Variants in RAB11FIP1 observed in about 807,000 individuals in gnomAD.
RAB11FIP1 encodes the protein rab11 family-interacting protein 1.
Under a neutral mutation model 83.1 loss-of-function variants are expected in RAB11FIP1, and 49 were observed. The ratio of observed to expected loss-of-function variants is 0.59; its 90% CI spans 0.47 to 0.75. The LOEUF is 0.75. RAB11FIP1 is among the 30% of genes least tolerant of loss of function. The pLI is 0.00. For synonymous variants in RAB11FIP1, 670 were observed against 656.0 expected (o/e 1.02, Z -0.33); for missense variants, 1,536 against 1,598.7 (o/e 0.96, Z 0.67).
chr8:37,865,018 C>T (rs1806315122), intron 5 of RAB11FIP1, among the ~76,000 whole-genome samples: 1 of 151,544 alleles, frequency 6.6e-6, no homozygotes, highest in Admixed American at 6.6e-5. Context: ...ATCCTCCCAC[C>T]TTGGCCTCCC....
intron 1 of RAB11FIP1, among the ~76,000 whole-genome samples, chr8:37,881,665 G>C (rs1334832074): frequency 1.3e-5 from 2 of 152,156 alleles, no homozygotes; most frequent in East Asian, 1.9e-4. Flanking sequence ...GGCAGGCGGG[G>C]AGTGGTGGGT....
chr8:37,879,232 C>G (rs553531962), intron 1 of RAB11FIP1, among the ~76,000 whole-genome samples: 4 of 151,912 alleles, frequency 2.6e-5, no homozygotes, highest in African/African-American at 9.7e-5. Context: ...TGCTTGAACC[C>G]GGGAGGCGGA....
Position 37,875,308 on chromosome 8 carries a change from T to C in RAB11FIP1, c.829A>G (p.Arg277Gly). ...SSASDVMSHK[R>G]TASTDLKQLN... is the part of the protein sequence containing the mutation. ...TGCTTAAGATCCGTACTCGCTGTTC[T>C]CTTGTGAGACATGACTTTGGGAAGA... The change falls in exon 3 of 6, where the codon AGA becomes GGA. Residue 277 changes from arginine to glycine, a missense_variant. By Grantham distance (125) the Arg-to-Gly change is moderately radical. Transcript: ENST00000330843. 1.2e-6 allele frequency: 2 copies of C among 1,609,782 alleles called. No homozygotes were observed. The highest frequency in any genetic ancestry group is 1.1e-5 in the South Asian group (1 of 91,008).
chr8:37,892,904 C>G (rs190520794), intron 1 of RAB11FIP1, among the ~76,000 whole-genome samples: 193 of 152,242 alleles, frequency 1.3e-3, no homozygotes, highest in African/African-American at 4.4e-3. Flanking sequence ...CCTTCCTCCA[C>G]TCCTCACTAG....
rs143143514 is a variant in RAB11FIP1 at position 37,887,120 on chromosome 8, C to T, written c.372-9569G>A. 6.2e-3 allele frequency among the ~76,000 whole-genome samples: 940 copies of T among 152,252 alleles called. 14 individuals carry two copies. The highest frequency in any genetic ancestry group is 0.021 in the African/African-American group (867 of 41,540). ...CCATTGTCAGCTACTTGGAAAAATT[C>T]GTAAATCATGAGAGTGGCAAATAGG... On this transcript the variant is annotated intron_variant, in intron 1 of 5. Coordinates refer to ENST00000330843, the MANE Select transcript of RAB11FIP1 (RefSeq NM_001002814.3).
chr8:37,892,260 C>G (rs764966059), intron 1 of RAB11FIP1, among the ~76,000 whole-genome samples: 77 of 152,162 alleles, frequency 5.1e-4, no homozygotes, highest in Non-Finnish European at 9.1e-4. Context: ...GCTTGGACAT[C>G]ATTCTAGTCC....
At chr8:37,879,164 C>T (rs967197027) in intron 1 of RAB11FIP1, among the ~76,000 whole-genome samples, 14 of 151,866 alleles carry the variant, frequency 9.2e-5, no homozygotes, top group Admixed American at 2.0e-4. Context: ...AAAAATTAGC[C>T]GGGCATCATG....
At chr8:37,871,254 T>C (rs375477093) in intron 4 of RAB11FIP1, 24 bp downstream of exon 4, 21 of 1,577,016 alleles carry the variant, frequency 1.3e-5, no homozygotes, top group East Asian at 4.5e-5. Context: ...CACATTTACA[T>C]AGACAATCTC....
At chr8:37,891,001 T>C (rs1806937895) in intron 1 of RAB11FIP1, among the ~76,000 whole-genome samples, 1 of 152,098 alleles carries the variant, frequency 6.6e-6, no homozygotes. Flanking sequence ...GATGCATTTA[T>C]TGAGCCCCTA....
In RAB11FIP1 at chr8:37,874,791, C is replaced by T. The variant is rs767418217; in HGVS notation, c.1346G>A (p.Gly449Asp). Residue 449 changes from glycine to aspartate, a missense_variant, in exon 3 of 6, where the codon GGC becomes GAC. Coordinates refer to ENST00000330843, the MANE Select transcript of RAB11FIP1 (RefSeq NM_001002814.3). ...CGTGAGAGGGTTTTCACCTTCACTG[C>T]CCTTAGCCACATCCTTCTTCCCCGT... is the stretch of plus-strand genomic sequence containing the variant. Reference protein sequence around the residue: ...LMTGKKDVAKGSEGENPLTVP... With the variant: ...LMTGKKDVAKDSEGENPLTVP... 6.2e-7 allele frequency: 1 copy of T among 1,614,070 alleles called. No individual in the cohort carries two copies. The highest frequency in any genetic ancestry group is 1.7e-5 in the Admixed American group (1 of 60,006).
intron 1 of RAB11FIP1, among the ~76,000 whole-genome samples, chr8:37,890,993 T>TG (rs1158802901): frequency 6.6e-6 from 1 of 152,104 alleles, no homozygotes; most frequent in Non-Finnish European, 1.5e-5. Context: ...CCCTCACAGA[T>TG]GCATTTATTG....
chr8:37,865,931 T>A (rs758687265), intron 5 of RAB11FIP1, among the ~76,000 whole-genome samples: 19 of 152,200 alleles, frequency 1.2e-4, no homozygotes, highest in Non-Finnish European at 2.6e-4. Context: ...CTTAAGGTAC[T>A]TCATACGAAC....
At chr8:37,870,370 G>T (rs368806557) in intron 5 of RAB11FIP1, 50 bp downstream of exon 5, 6 of 1,069,654 alleles carry the variant, frequency 5.6e-6, no homozygotes, top group African/African-American at 1.6e-5. Context: ...CTATGGAAAC[G>T]GGTGTTCTGT....
chr8:37,863,254 CTT>C, intron 5 of RAB11FIP1, 141 bp from the exon 6 acceptor site: 4 of 647,742 alleles, frequency 6.2e-6, no homozygotes, highest in Non-Finnish European at 1.0e-5. Context: ...TTCTTTCTTT[CTT>C]TCTTTTTGAG....
chr8:37,893,968 T>A (rs1807008509), intron 1 of RAB11FIP1, among the ~76,000 whole-genome samples: 1 of 152,180 alleles, frequency 6.6e-6, no homozygotes, highest in Admixed American at 6.5e-5. Flanking sequence ...TTTTAGTCAT[T>A]TCATTCCTCT....
chr8:37,872,392 T>C lies in RAB11FIP1; in HGVS notation c.2410A>G (p.Lys804Glu). Residue 804 changes from lysine to glutamate, a missense_variant, in exon 4 of 6, where the codon AAA becomes GAA. Transcript: ENST00000330843. ...MGLNLRKDQK[K>E]TKKRVSFSEQ... ...GAAAATGACACACGCTTCTTGGTTTTCTTCTGGTCCTTGCGGAGGTTCAGA... is the reference window on the plus strand; with the variant it reads ...GAAAATGACACACGCTTCTTGGTTTCCTTCTGGTCCTTGCGGAGGTTCAGA... The C allele has an allele frequency of 6.2e-7, 1 of 1,614,238 alleles. No individual in the cohort carries two copies. The highest frequency in any genetic ancestry group is 8.5e-7 in the Non-Finnish European group (1 of 1,180,042).
chr8:37,886,069 C>T (rs1806828083), intron 1 of RAB11FIP1, among the ~76,000 whole-genome samples: 1 of 152,162 alleles, frequency 6.6e-6, no homozygotes, highest in Non-Finnish European at 1.5e-5. Flanking sequence ...CCCTTTAGAA[C>T]ATTCCAGAGA....
At position 37,872,210 on chromosome 8, in the gene RAB11FIP1, C is replaced by A; in HGVS notation, c.2592G>T (p.Arg864Ser). ...PESPHAEDSERESVTTPGPAT... is the reference protein window; with the variant it reads ...PESPHAEDSESESVTTPGPAT... ...CTGGCCCAGGTGTGGTCACCGATTCCCTTTCTGAGTCCTCTGCGTGGGGAG... is the reference window on the plus strand; with the variant it reads ...CTGGCCCAGGTGTGGTCACCGATTCACTTTCTGAGTCCTCTGCGTGGGGAG... The change falls in exon 4 of 6, where the codon AGG becomes AGT. Residue 864 changes from arginine (R) to serine (S), a missense_variant. Arg to Ser is a moderately radical substitution (Grantham distance 110). Coordinates refer to ENST00000330843, the MANE Select transcript of RAB11FIP1 (RefSeq NM_001002814.3). 6.2e-7 allele frequency: 1 copy of A among 1,614,104 alleles called. No individual in the cohort carries two copies. The highest frequency in any genetic ancestry group is 8.5e-7 in the Non-Finnish European group (1 of 1,179,996).
In RAB11FIP1 at chr8:37,867,208, T is replaced by C. The variant is rs115853094; in HGVS notation, c.3633+3212A>G. ...TTGCTGTCCCTTTATGCTGTCCTTT[T>C]ATCCCATTTCCTGATAAATATCATT... On this transcript the variant is annotated intron_variant, in intron 5 of 5. Transcript: ENST00000330843. Among the ~76,000 whole-genome samples, 915 of 152,356 alleles carry C rather than the reference T, an allele frequency of 6.0e-3. 7 individuals carry two copies. The highest frequency in any genetic ancestry group is 0.021 in the African/African-American group (864 of 41,584).
Sources: gnomAD v4.1 joint callset for allele counts (sites outside exome capture counted in the v4.1 genomes callset) on GRCh38, gnomAD v4.1.1 for gene constraint, MANE v1.5 for transcripts, NCBI Gene and HGNC (gene_info 2026-07-23, HGNC 2026-07-21) for gene names.